Variants in VPS13B observed in about 807,000 individuals in gnomAD.
VPS13B encodes vacuolar protein sorting 13 homolog B.
In VPS13B, 285 loss-of-function variants were observed where a neutral mutation model predicts 426.4. That is an observed-to-expected ratio of 0.67 (90% CI 0.61 to 0.74). The LOEUF is 0.74. Among genes scored for constraint, VPS13B ranks in the 30% least tolerant of loss-of-function variants. The probability of loss-of-function intolerance (pLI) is 0.00; values close to 1 mark genes in which losing one functional copy is unlikely to be tolerated. For missense variants in VPS13B, 4,537 were observed against 4,782.6 expected, an observed-to-expected ratio of 0.95 and a Z score of 1.51; for synonymous variants, 1,676 against 1,676.4, an observed-to-expected ratio of 1.00 and a Z score of 0.01.
intron 19 of VPS13B, among the ~76,000 whole-genome samples, chr8:99,378,663 T>C (rs902388244): frequency 2.6e-5 from 4 of 152,232 alleles, no homozygotes; most frequent in African/African-American, 9.6e-5. Flanking sequence ...GTCCTTCCAT[T>C]TGGGGTCCCT....
chr8:99,847,971 TC>T (rs1400807076), intron 54 of VPS13B, among the ~76,000 whole-genome samples: 1 of 152,166 alleles, frequency 6.6e-6, no homozygotes, highest in Non-Finnish European at 1.5e-5. Flanking sequence ...ATACTGCAAA[TC>T]ATCAGAACCA....
At chr8:99,480,317 G>A (rs1819970029) in intron 24 of VPS13B, among the ~76,000 whole-genome samples, 1 of 152,102 alleles carries the variant, frequency 6.6e-6, no homozygotes, top group African/African-American at 2.4e-5. Flanking sequence ...TGCCATTCAG[G>A]CACAGTATTT....
intron 6 of VPS13B, among the ~76,000 whole-genome samples, chr8:99,114,243 T>C (rs149824621): frequency 2.0e-5 from 3 of 152,102 alleles, no homozygotes; most frequent in South Asian, 2.1e-4. Flanking sequence ...GGAGTGCCTA[T>C]GTCATACTCT....
At chr8:99,609,575 CAGTT>C (rs1827754235) in intron 33 of VPS13B, among the ~76,000 whole-genome samples, 1 of 152,118 alleles carries the variant, frequency 6.6e-6, no homozygotes, top group African/African-American at 2.4e-5. Flanking sequence ...ATAAAGAAAT[CAGTT>C]AGTACAGCTT....
intron 17 of VPS13B, among the ~76,000 whole-genome samples, chr8:99,215,450 T>A (rs933576604): frequency 6.6e-6 from 1 of 152,170 alleles, no homozygotes; most frequent in Non-Finnish European, 1.5e-5. Context: ...TTAGAGAGCA[T>A]CTAGAAGGAC....
chr8:99,683,231 A>G (rs1831230388), intron 35 of VPS13B, among the ~76,000 whole-genome samples: 1 of 152,162 alleles, frequency 6.6e-6, no homozygotes, highest in South Asian at 2.1e-4. Flanking sequence ...CTCCAAAACT[A>G]TACTGTCTTG....
chr8:99,416,899 A>G (rs1816048873), intron 21 of VPS13B, among the ~76,000 whole-genome samples: 2 of 152,164 alleles, frequency 1.3e-5, no homozygotes, highest in African/African-American at 2.4e-5. Flanking sequence ...CTAGAATTTT[A>G]TAGTGCAGTA....
rs142126851 is a variant in VPS13B at position 99,700,052 on chromosome 8, G to C, written c.6454+120G>C. Reference sequence around the variant, plus strand: ...AAGTTAAAAGTTGTAAAGGCCATTAGAGATGAGGACATTTCTGGTTTGTGA... The same window carrying C: ...AAGTTAAAAGTTGTAAAGGCCATTACAGATGAGGACATTTCTGGTTTGTGA... On this transcript the variant is annotated intron_variant, in intron 36 of 61. Transcript: ENST00000357162. The C allele has an allele frequency of 6.7e-4, 823 of 1,236,188 alleles. 2 individuals carry two copies. Among genetic ancestry groups the C allele is most frequent in the Non-Finnish European group, 7.6e-4 (683 of 902,340 alleles). 76.6% of individuals were successfully genotyped at this position (1,236,188 alleles called of 1,614,324 possible).
chr8:99,251,453 TG>T (rs1438364859), intron 17 of VPS13B, among the ~76,000 whole-genome samples: 2 of 152,174 alleles, frequency 1.3e-5, no homozygotes, highest in African/African-American at 2.4e-5. Flanking sequence ...CCTGTTCATA[TG>T]GTGGATTGCA....
chr8:99,436,096 TGGA>T (rs1004211370), intron 22 of VPS13B, among the ~76,000 whole-genome samples: 1 of 152,018 alleles, frequency 6.6e-6, no homozygotes, highest in African/African-American at 2.4e-5. Context: ...TGATCAGAAA[TGGA>T]GGAGGAGAAA....
At chr8:99,349,351 A>AAG (rs1160583020) in intron 19 of VPS13B, among the ~76,000 whole-genome samples, 2 of 148,870 alleles carry the variant, frequency 1.3e-5, no homozygotes, top group African/African-American at 5.0e-5. Flanking sequence ...AAAAAAAAAA[A>AAG]AAAAGAAAAT....
chr8:99,872,526 A>C (rs867700646), intron 61 of VPS13B, among the ~76,000 whole-genome samples: 5 of 152,206 alleles, frequency 3.3e-5, no homozygotes, highest in Non-Finnish European at 5.9e-5. Flanking sequence ...CCAACCAGAC[A>C]GACCCCAGCT....
intron 22 of VPS13B, among the ~76,000 whole-genome samples, chr8:99,435,434 A>G (rs1345327355): frequency 1.3e-5 from 2 of 152,178 alleles, no homozygotes; most frequent in South Asian, 4.1e-4. Flanking sequence ...ATTATTTGAC[A>G]ACTCTGGGAA....
chr8:99,681,303 C>G (rs543052861), intron 35 of VPS13B, among the ~76,000 whole-genome samples: 3 of 152,238 alleles, frequency 2.0e-5, no homozygotes. Context: ...TTTTTTGGTT[C>G]TTGGCCTATC....
At chr8:99,447,984 C>G (rs1280884149) in intron 23 of VPS13B, among the ~76,000 whole-genome samples, 31 of 151,660 alleles carry the variant, frequency 2.0e-4, no homozygotes, top group Admixed American at 2.0e-3. Context: ...CTGCCAACAT[C>G]TACTGCTTGT....
intron 36 of VPS13B, among the ~76,000 whole-genome samples, chr8:99,700,276 C>T (rs1832211196): frequency 6.6e-6 from 1 of 152,108 alleles, no homozygotes; most frequent in Non-Finnish European, 1.5e-5. Flanking sequence ...AAAGTGTGAT[C>T]TCTGGACTAG....
chr8:99,621,857 C>T (rs1288785447), intron 33 of VPS13B, among the ~76,000 whole-genome samples: 2 of 117,210 alleles, frequency 1.7e-5, no homozygotes, highest in Non-Finnish European at 3.3e-5. Flanking sequence ...GACAGAGTCT[C>T]GCTCTGTCAC....
chr8:99,073,664 G>GT (rs1699942316), intron 3 of VPS13B, among the ~76,000 whole-genome samples: 2 of 134,386 alleles, frequency 1.5e-5, no homozygotes, highest in Admixed American at 7.4e-5. Flanking sequence ...AAGCAGAGCA[G>GT]TTTAACTTCC....
At chr8:99,808,586 T>C (rs938931509) in intron 43 of VPS13B, among the ~76,000 whole-genome samples, 6 of 152,008 alleles carry the variant, frequency 3.9e-5, no homozygotes, top group African/African-American at 1.2e-4. Flanking sequence ...TTTAAACCTG[T>C]TTCCTACAAA....
Sources: allele counts gnomAD v4.1 joint callset (sites outside exome capture counted in the v4.1 genomes callset), GRCh38; gene constraint gnomAD v4.1.1; transcripts MANE v1.5; gene names NCBI Gene and HGNC (gene_info 2026-07-23, HGNC 2026-07-21).